TANC2: variants seen among roughly 807,000 people sequenced by gnomAD.
TANC2 encodes tetratricopeptide repeat, ankyrin repeat and coiled-coil containing 2.
Under a neutral mutation model 210.5 loss-of-function variants are expected in TANC2, and 26 were observed. That is an observed-to-expected ratio of 0.12 (90% CI 0.09 to 0.17). The LOEUF (loss-of-function observed/expected upper bound fraction) is 0.17. Among genes scored for constraint, TANC2 ranks in the 10% least tolerant of loss-of-function variants. The pLI is 1.00. For synonymous variants in TANC2, 931 were observed against 967.1 expected, an observed-to-expected ratio of 0.96 and a Z score of 0.69; for missense variants, 2,129 against 2,608.9, an observed-to-expected ratio of 0.82 and a Z score of 4.01.
chr17:63,197,050 A>G (rs919419848), intron 6 of TANC2, among the ~76,000 whole-genome samples: 8 of 152,212 alleles, frequency 5.3e-5, no homozygotes, highest in African/African-American at 1.9e-4. Context: ...ATGAATATGA[A>G]AGTACTTTGT....
chr17:63,286,660 G>T (rs2044230484), intron 9 of TANC2, among the ~76,000 whole-genome samples: 1 of 152,076 alleles, frequency 6.6e-6, no homozygotes, highest in Non-Finnish European at 1.5e-5. Context: ...TTCAAATTTG[G>T]AAATTTTGTA....
chr17:63,203,891 T>G (rs2041614760), intron 7 of TANC2, among the ~76,000 whole-genome samples: 1 of 152,050 alleles, frequency 6.6e-6, no homozygotes, highest in Non-Finnish European at 1.5e-5. Flanking sequence ...TGTGGAAAGG[T>G]TGCTTAACAA....
rs538703397 is a variant in TANC2 at position 62,985,912 on chromosome 17, A to G, written c.-24+19163A>G. On this transcript the variant is annotated intron_variant, in intron 1 of 27. Coordinates refer to ENST00000689528, the Ensembl canonical transcript of TANC2. Reference sequence around the variant, plus strand: ...TATTATATTTCTTTGGAGGCATCATATTTCCTTGCTTTTTCATATTTGATG... The same window carrying G: ...TATTATATTTCTTTGGAGGCATCATGTTTCCTTGCTTTTTCATATTTGATG... 3.3e-5 allele frequency among the ~76,000 whole-genome samples: 5 copies of G among 152,172 alleles called. No homozygotes were observed. The South Asian group carries it at 1.0e-3, about 32-fold the overall frequency.
At chr17:62,990,661 T>C (rs1176090543) in intron 1 of TANC2, among the ~76,000 whole-genome samples, 2 of 152,136 alleles carry the variant, frequency 1.3e-5, no homozygotes, top group Non-Finnish European at 2.9e-5. Flanking sequence ...TTTCAAAATA[T>C]AGAAGTCAAA....
Position 63,175,538 on chromosome 17 carries a change from A to C in TANC2, c.434-18453A>C, listed in dbSNP as rs911244180. Among the ~76,000 whole-genome samples, 958 of 147,328 alleles carry C rather than the reference A, an allele frequency of 6.5e-3. 7 individuals carry two copies. The highest frequency in any genetic ancestry group is 0.012 in the African/African-American group (470 of 39,542). ...TGAGACCCTGTCTCCCCCGCCAAAA[A>C]AAAAAAAAAAAAAAAAAGATTTAGA... On this transcript the variant is annotated intron_variant, in intron 5 of 27. Transcript: ENST00000689528.
At chr17:63,120,813 CAAAAAAAAAAA>C (rs58058892) in intron 4 of TANC2, 15 of 51,934 alleles carry the variant, frequency 2.9e-4, no homozygotes, top group East Asian at 2.1e-3. Context: ...GACCCTGTCT[CAAAAAAAAAAA>C]AAAAAAAAAA....
At chr17:63,034,346 T>A (rs1366211909) in intron 2 of TANC2, among the ~76,000 whole-genome samples, 1 of 152,220 alleles carries the variant, frequency 6.6e-6, no homozygotes, top group Non-Finnish European at 1.5e-5. Flanking sequence ...TGTCTGTTTA[T>A]AGCATGGCTT....
At chr17:62,988,730 A>G (rs974844246) in intron 1 of TANC2, among the ~76,000 whole-genome samples, 3 of 152,222 alleles carry the variant, frequency 2.0e-5, no homozygotes, top group Non-Finnish European at 4.4e-5. Context: ...GGGCAAAAAT[A>G]ATAAGATGAT....
intron 9 of TANC2, among the ~76,000 whole-genome samples, chr17:63,283,400 GTCT>G (rs1443798742): frequency 2.0e-5 from 3 of 151,598 alleles, no homozygotes; most frequent in South Asian, 2.1e-4. Flanking sequence ...CAACACTCCA[GTCT>G]TCTTTTTTAG....
intron 12 of TANC2, among the ~76,000 whole-genome samples, chr17:63,347,049 A>G (rs2046436900): frequency 6.6e-6 from 1 of 152,170 alleles, no homozygotes; most frequent in Non-Finnish European, 1.5e-5. Context: ...TTTATGACCA[A>G]GCAACTCTAT....
intron 3 of TANC2, among the ~76,000 whole-genome samples, chr17:63,091,901 G>A (rs1170601961): frequency 6.6e-6 from 1 of 152,110 alleles, no homozygotes; most frequent in African/African-American, 2.4e-5. Flanking sequence ...GCAGTGGTTT[G>A]TAGTTCTCCT....
At chr17:63,375,466 A>T (rs959344020) in intron 14 of TANC2, among the ~76,000 whole-genome samples, 1 of 152,208 alleles carries the variant, frequency 6.6e-6, no homozygotes, top group Non-Finnish European at 1.5e-5. Context: ...TCTAACTGAA[A>T]GTTCATTTCC....
chr17:63,108,128 A>G (rs1255014697), intron 4 of TANC2, among the ~76,000 whole-genome samples: 1 of 151,800 alleles, frequency 6.6e-6, no homozygotes, highest in Non-Finnish European at 1.5e-5. Context: ...AACTCCCACA[A>G]GCTTAGCGTT....
intron 9 of TANC2, among the ~76,000 whole-genome samples, chr17:63,312,002 A>G (rs1490186625): frequency 1.3e-5 from 2 of 152,190 alleles, no homozygotes; most frequent in Non-Finnish European, 2.9e-5. Flanking sequence ...GTATTCGGGA[A>G]TAGATAGCGG....
chr17:63,177,969 G>C (rs1353079053), intron 5 of TANC2, among the ~76,000 whole-genome samples: 1 of 152,160 alleles, frequency 6.6e-6, no homozygotes, highest in East Asian at 1.9e-4. Flanking sequence ...TGCAACTCTT[G>C]TTTCTTATAT....
intron 8 of TANC2, among the ~76,000 whole-genome samples, chr17:63,252,209 C>A (rs527526072): frequency 6.6e-6 from 1 of 151,822 alleles, no homozygotes. Flanking sequence ...AAAAATATAT[C>A]TGTATTAGGC....
At chr17:63,012,010 A>T (rs562120932) in intron 2 of TANC2, among the ~76,000 whole-genome samples, 6 of 141,822 alleles carry the variant, frequency 4.2e-5, no homozygotes, top group African/African-American at 5.2e-5. Flanking sequence ...TTTTGTGTTG[A>T]TCAAAACTTT....
intron 9 of TANC2, among the ~76,000 whole-genome samples, chr17:63,278,574 C>T (rs946172641): frequency 6.6e-6 from 1 of 152,062 alleles, no homozygotes; most frequent in Non-Finnish European, 1.5e-5. Flanking sequence ...TATGGAGGTT[C>T]ATCAGATATT....
In TANC2 at chr17:63,355,294, G is replaced by A. The variant is rs775421108; in HGVS notation, c.2486G>A (p.Arg829His). 19 of 1,612,982 alleles carry A rather than the reference G, an allele frequency of 1.2e-5. No individual in the cohort carries two copies. Among genetic ancestry groups the A allele is most frequent in the Admixed American group, 6.7e-5 (4 of 59,796 alleles). Reference sequence around the variant, plus strand: ...AACCTCTCCATGTTCCTAATCAAGCGCAGAGACATGACTCGTATGTTTGTA... The same window carrying A: ...AACCTCTCCATGTTCCTAATCAAGCACAGAGACATGACTCGTATGTTTGTA... Residue 829 changes from arginine to histidine, a missense_variant, in exon 14 of 28, where the codon CGC becomes CAC. Physicochemically the swap from Arg to His is conservative, Grantham distance 29 (BLOSUM62 0). Around this residue, in one of 5 missense-constraint regions of TANC2, gnomAD observed 644 missense variants for 937.5 expected, o/e 0.69. Coordinates refer to ENST00000689528, the Ensembl canonical transcript of TANC2.
Sources: allele counts gnomAD v4.1 joint callset (sites outside exome capture counted in the v4.1 genomes callset), GRCh38; gene constraint gnomAD v4.1.1; regional missense constraint gnomAD v4.1.1; transcripts MANE v1.5; gene names NCBI Gene and HGNC (gene_info 2026-07-23, HGNC 2026-07-21).